Variants in TMEM45A observed in about 807,000 individuals in gnomAD.
TMEM45A encodes DNA polymerase-transactivated protein 4.
Under a neutral mutation model 32.0 loss-of-function variants are expected in TMEM45A, and 25 were observed. The observed-to-expected ratio is 0.78, with a 90% CI of 0.57 to 1.09. The LOEUF (loss-of-function observed/expected upper bound fraction) is 1.09. TMEM45A is among the 50% of genes least tolerant of loss of function. TMEM45A has a pLI of 0.00. For missense variants in TMEM45A, 302 were observed against 325.0 expected (o/e 0.93, Z 0.54); for synonymous variants, 122 against 114.8 (o/e 1.06, Z -0.40).
intron 4 of TMEM45A, among the ~76,000 whole-genome samples, chr3:100,560,096 T>C (rs1559651554): frequency 6.6e-6 from 1 of 152,126 alleles, no homozygotes; most frequent in Non-Finnish European, 1.5e-5. Context: ...TTTGATTGTG[T>C]TTTTTTATAT....
chr3:100,532,225 G>C (rs1328984983), intron 1 of TMEM45A, among the ~76,000 whole-genome samples: 2 of 152,170 alleles, frequency 1.3e-5, no homozygotes, highest in African/African-American at 4.8e-5. Flanking sequence ...TTATGAAAAG[G>C]TATTTTGGTG....
chr3:100,538,323 C>A (rs976495191), intron 1 of TMEM45A, among the ~76,000 whole-genome samples: 1 of 152,104 alleles, frequency 6.6e-6, no homozygotes, highest in Non-Finnish European at 1.5e-5. Context: ...TGGCTCTAAA[C>A]CTTTCCTAGG....
At chr3:100,575,288 T>C (rs1020187590) in intron 5 of TMEM45A, among the ~76,000 whole-genome samples, 2 of 152,102 alleles carry the variant, frequency 1.3e-5, no homozygotes, top group Admixed American at 6.5e-5. Flanking sequence ...CCTGCTGAGC[T>C]TCAGCTGCTA....
chr3:100,530,611 A>G (rs1705627627), intron 1 of TMEM45A, among the ~76,000 whole-genome samples: 1 of 152,228 alleles, frequency 6.6e-6, no homozygotes, highest in Non-Finnish European at 1.5e-5. Context: ...TTTGAAGCTA[A>G]TCCAACTTAT....
intron 5 of TMEM45A, among the ~76,000 whole-genome samples, chr3:100,576,176 C>T (rs1706680120): frequency 6.6e-6 from 1 of 152,086 alleles, no homozygotes; most frequent in African/African-American, 2.4e-5. Context: ...ATTGGCTGGG[C>T]ACAGTGGCTC....
chr3:100,566,459 C>A (rs4129205), intron 4 of TMEM45A, among the ~76,000 whole-genome samples: 78,214 of 151,946 alleles, frequency 0.51, 22,056 homozygotes, highest in African/African-American at 0.76. Context: ...ATCATGGATA[C>A]TCCTACAAAT....
At chr3:100,539,615 T>C (rs1287115603) in intron 1 of TMEM45A, among the ~76,000 whole-genome samples, 1 of 152,000 alleles carries the variant, frequency 6.6e-6, no homozygotes, top group African/African-American at 2.4e-5. Flanking sequence ...AGCCTCAGTG[T>C]CCAAAGCCCT....
chr3:100,502,495 C>A (rs973550447), intron 1 of TMEM45A, among the ~76,000 whole-genome samples: 1 of 151,952 alleles, frequency 6.6e-6, no homozygotes, highest in African/African-American at 2.4e-5. Flanking sequence ...GAGACAGGGT[C>A]CCACTCTGTT....
intron 5 of TMEM45A, among the ~76,000 whole-genome samples, chr3:100,576,440 C>T (rs1042968705): frequency 4.6e-5 from 7 of 151,320 alleles, no homozygotes; most frequent in Admixed American, 3.9e-4. Context: ...CTGGATGACA[C>T]AGCAAAACTC....
chr3:100,567,247 C>T (rs899385102), intron 4 of TMEM45A, among the ~76,000 whole-genome samples: 1 of 151,676 alleles, frequency 6.6e-6, no homozygotes, highest in Non-Finnish European at 1.5e-5. Context: ...TATCTCAGCA[C>T]CATTTGTTGA....
intron 1 of TMEM45A, among the ~76,000 whole-genome samples, chr3:100,517,081 G>A (rs1231519483): frequency 1.3e-5 from 2 of 151,812 alleles, no homozygotes; most frequent in African/African-American, 4.8e-5. Context: ...GCTGAATCAT[G>A]AGGCATATTG....
intron 1 of TMEM45A, among the ~76,000 whole-genome samples, chr3:100,501,795 G>T (rs1480190585): frequency 6.6e-6 from 1 of 152,156 alleles, no homozygotes; most frequent in Non-Finnish European, 1.5e-5. Flanking sequence ...CCCTCTCAAT[G>T]ACCTAAAAGT....
intron 5 of TMEM45A, chr3:100,573,374 G>C (rs558937825): frequency 6.6e-6 from 1 of 152,120 alleles, no homozygotes; most frequent in African/African-American, 2.4e-5. Context: ...TTGTGAATGG[G>C]AGTTAATTCA....
chr3:100,512,852 C>T (rs1197140560), intron 1 of TMEM45A, among the ~76,000 whole-genome samples: 1 of 152,014 alleles, frequency 6.6e-6, no homozygotes, highest in African/African-American at 2.4e-5. Flanking sequence ...AACACCTCTA[C>T]ACAAATAAAC....
chr3:100,548,009 G>A (rs560090845), intron 1 of TMEM45A, among the ~76,000 whole-genome samples: 2 of 152,262 alleles, frequency 1.3e-5, no homozygotes, highest in East Asian at 1.9e-4. Context: ...CTGATGTTCC[G>A]TGGATGGTTT....
At chr3:100,535,677 A>G (rs1343578085) in intron 1 of TMEM45A, among the ~76,000 whole-genome samples, 1 of 152,178 alleles carries the variant, frequency 6.6e-6, no homozygotes, top group East Asian at 1.9e-4. Context: ...ATCCAATCAT[A>G]AGTCCTTGGC....
intron 4 of TMEM45A, among the ~76,000 whole-genome samples, chr3:100,565,456 T>C (rs73141158): frequency 0.11 from 16,339 of 152,258 alleles, 1,179 homozygotes; most frequent in South Asian, 0.19. Context: ...TATTCAATAT[T>C]GCACATGAAG....
chr3:100,561,749 C>A (rs1706336083), intron 4 of TMEM45A, among the ~76,000 whole-genome samples: 1 of 152,164 alleles, frequency 6.6e-6, no homozygotes, highest in South Asian at 2.1e-4. Flanking sequence ...GGTGCAGGGA[C>A]AATCAGGGAA....
intron 1 of TMEM45A, among the ~76,000 whole-genome samples, chr3:100,498,513 T>C (rs761323608): frequency 6.6e-6 from 1 of 152,322 alleles, no homozygotes; most frequent in Middle Eastern, 3.4e-3. Flanking sequence ...CTGTAGGTTT[T>C]GGACTTGCTA....
Sources: allele counts gnomAD v4.1 joint callset (sites outside exome capture counted in the v4.1 genomes callset), GRCh38; gene constraint gnomAD v4.1.1; transcripts MANE v1.5; gene names NCBI Gene and HGNC (gene_info 2026-07-23, HGNC 2026-07-21).